Variants in SLC35F3 observed in about 807,000 individuals in gnomAD.
SLC35F3 encodes the protein putative thiamine transporter SLC35F3.
In SLC35F3, 25 loss-of-function variants were observed where a neutral mutation model predicts 49.9. The ratio of observed to expected loss-of-function variants is 0.50; its 90% confidence interval spans 0.37 to 0.70. The LOEUF (loss-of-function observed/expected upper bound fraction) is 0.70, where lower values mean the gene tolerates loss of function less well. Ranked by LOEUF, SLC35F3 falls within the 30% of genes least tolerant of loss-of-function variation. SLC35F3 has a pLI of 0.00. For synonymous variants in SLC35F3, 275 were observed against 265.4 expected (o/e 1.04, Z -0.35); for missense variants, 525 against 639.8 (o/e 0.82, Z 1.94).
chr1:233,963,718 C>T (rs1662847383), intron 2 of SLC35F3, among the ~76,000 whole-genome samples: 1 of 152,192 alleles, frequency 6.6e-6, no homozygotes, highest in Admixed American at 6.5e-5. Context: ...TCTTCAGCCT[C>T]TCAGATGTGG....
At chr1:233,921,724 A>G (rs1053380417) in intron 2 of SLC35F3, among the ~76,000 whole-genome samples, 6 of 152,024 alleles carry the variant, frequency 3.9e-5, no homozygotes, top group Non-Finnish European at 8.8e-5. Flanking sequence ...ACATATGTAT[A>G]CATGTGCCAT....
intron 2 of SLC35F3, among the ~76,000 whole-genome samples, chr1:234,139,807 G>T (rs1221676148): frequency 6.6e-6 from 1 of 151,584 alleles, no homozygotes; most frequent in African/African-American, 2.4e-5. Context: ...AATTAGCCAG[G>T]CATGGTGGCA....
chr1:234,222,619 C>T (rs1667225186), intron 2 of SLC35F3, among the ~76,000 whole-genome samples: 1 of 152,204 alleles, frequency 6.6e-6, no homozygotes, highest in Non-Finnish European at 1.5e-5. Flanking sequence ...GAGAAGGCTC[C>T]AGCATGTCCC....
chr1:233,912,677 C>T (rs1187324756), intron 2 of SLC35F3, among the ~76,000 whole-genome samples: 2 of 152,138 alleles, frequency 1.3e-5, no homozygotes, highest in Non-Finnish European at 2.9e-5. Context: ...TAGTAGTGAG[C>T]AGGTGGCGTA....
intron 2 of SLC35F3, among the ~76,000 whole-genome samples, chr1:233,908,147 G>T (rs1193385064): frequency 6.6e-6 from 1 of 151,480 alleles, no homozygotes; most frequent in Non-Finnish European, 1.5e-5. Context: ...GTTGGTAATT[G>T]TACTCTATAA....
chr1:234,237,378 T>TA (rs1667490936), intron 3 of SLC35F3, among the ~76,000 whole-genome samples: 1 of 152,162 alleles, frequency 6.6e-6, no homozygotes, highest in African/African-American at 2.4e-5. Context: ...CTTCTGTTGA[T>TA]AAAAAGCACT....
chr1:234,297,626 C>T (rs1412393632), intron 3 of SLC35F3, among the ~76,000 whole-genome samples: 1 of 151,862 alleles, frequency 6.6e-6, no homozygotes, highest in Non-Finnish European at 1.5e-5. Flanking sequence ...CGCCTGTAAT[C>T]TTAGCACTTT....
chr1:234,023,161 A>G (rs1403733051), intron 2 of SLC35F3, among the ~76,000 whole-genome samples: 1 of 152,162 alleles, frequency 6.6e-6, no homozygotes, highest in Non-Finnish European at 1.5e-5. Flanking sequence ...GAGGAAGAAA[A>G]AGGGAGAAGA....
At chr1:234,113,435 G>A (rs35465347) in intron 2 of SLC35F3, among the ~76,000 whole-genome samples, 28,948 of 152,308 alleles carry the variant, frequency 0.19, 3,647 homozygotes, top group Non-Finnish European at 0.28. Context: ...GCTAGAGGAG[G>A]AAGAAGCTGC....
At chr1:234,084,833 G>T (rs1425150972) in intron 2 of SLC35F3, among the ~76,000 whole-genome samples, 1 of 152,146 alleles carries the variant, frequency 6.6e-6, no homozygotes, top group Non-Finnish European at 1.5e-5. Context: ...AGTATCTTCA[G>T]ATTGGAGCAC....
intron 2 of SLC35F3, among the ~76,000 whole-genome samples, chr1:234,053,985 C>T (rs1052455189): frequency 6.6e-6 from 1 of 152,212 alleles, no homozygotes; most frequent in African/African-American, 2.4e-5. Flanking sequence ...TCTCTTCTGG[C>T]TTGTAGAGTT....
chr1:233,955,214 CA>C (rs1343337744), intron 2 of SLC35F3, among the ~76,000 whole-genome samples: 3 of 152,208 alleles, frequency 2.0e-5, no homozygotes, highest in African/African-American at 7.2e-5. Flanking sequence ...TTATTTGCAA[CA>C]GAATTGATTC....
chr1:234,067,611 G>A (rs1664641160), intron 2 of SLC35F3, among the ~76,000 whole-genome samples: 1 of 152,166 alleles, frequency 6.6e-6, no homozygotes, highest in African/African-American at 2.4e-5. Flanking sequence ...ACTACCTGGC[G>A]AAGAAGCTTG....
intron 2 of SLC35F3, among the ~76,000 whole-genome samples, chr1:234,071,498 C>T (rs1281837653): frequency 6.6e-6 from 1 of 152,148 alleles, no homozygotes; most frequent in Non-Finnish European, 1.5e-5. Context: ...TGACCAAATT[C>T]ATGTGTTTCC....
At chr1:234,261,221 G>A (rs1048682325) in intron 3 of SLC35F3, among the ~76,000 whole-genome samples, 1 of 152,096 alleles carries the variant, frequency 6.6e-6, no homozygotes, top group African/African-American at 2.4e-5. Context: ...ACAGAATAAA[G>A]TGAAAGCAAG....
intron 3 of SLC35F3, among the ~76,000 whole-genome samples, chr1:234,275,758 A>AT (rs1668197669): frequency 2.9e-5 from 4 of 137,444 alleles, no homozygotes; most frequent in Admixed American, 2.1e-4. Context: ...TATTGAAAAA[A>AT]AAAAAATATA....
At chr1:234,189,054 A>G (rs953832559) in intron 2 of SLC35F3, among the ~76,000 whole-genome samples, 1 of 152,132 alleles carries the variant, frequency 6.6e-6, no homozygotes, top group Non-Finnish European at 1.5e-5. Context: ...AAGAATCTGA[A>G]CAGCAGCCTT....
chr1:234,163,342 A>G (rs1398914190), intron 2 of SLC35F3, among the ~76,000 whole-genome samples: 1 of 152,134 alleles, frequency 6.6e-6, no homozygotes, highest in Admixed American at 6.5e-5. Context: ...TTAGGGAGAA[A>G]GAGGAGGGAA....
At chr1:234,096,291 C>T (rs1399550140) in intron 2 of SLC35F3, among the ~76,000 whole-genome samples, 1 of 152,204 alleles carries the variant, frequency 6.6e-6, no homozygotes, top group Non-Finnish European at 1.5e-5. Flanking sequence ...CCTCGGCTCT[C>T]CCAGCCTCCC....
Sources: gnomAD v4.1 joint callset for allele counts (sites outside exome capture counted in the v4.1 genomes callset) on GRCh38, gnomAD v4.1.1 for gene constraint, MANE v1.5 for transcripts, NCBI Gene and HGNC (gene_info 2026-07-23, HGNC 2026-07-21) for gene names.